PACRG: variants seen among roughly 807,000 people sequenced by gnomAD.
The protein encoded by PACRG is parkin coregulated.
In PACRG, 29 loss-of-function variants were observed where a neutral mutation model predicts 29.7. That is an observed-to-expected ratio of 0.98 (90% CI 0.73 to 1.33). PACRG has a LOEUF of 1.33. PACRG is among the 40% of genes most tolerant of loss of function. The pLI, the probability that PACRG is intolerant of heterozygous loss-of-function variation, is 0.00. For missense variants in PACRG, 279 were observed against 316.2 expected, an observed-to-expected ratio of 0.88 and a Z score of 0.89; for synonymous variants, 116 against 118.7, an observed-to-expected ratio of 0.98 and a Z score of 0.15.
At chr6:163,085,337 A>AT (rs1172899581) in intron 3 of PACRG, among the ~76,000 whole-genome samples, 1 of 152,140 alleles carries the variant, frequency 6.6e-6, no homozygotes, top group East Asian at 1.9e-4. Context: ...AAGGAGTGGG[A>AT]TGGGAAGGAG....
intron 4 of PACRG, among the ~76,000 whole-genome samples, chr6:163,236,256 C>T (rs1352201897): frequency 6.6e-6 from 1 of 152,086 alleles, no homozygotes. Context: ...AGGTAGGTTT[C>T]CTAAACAACC....
rs182244213 is a variant in PACRG, at chr6:163,047,803, C to T, written c.292-14347C>T. Among the ~76,000 whole-genome samples the T allele has an allele frequency of 8.5e-5, 13 of 152,176 alleles. No individual in the cohort carries two copies. In the East Asian group the frequency reaches 2.5e-3, roughly 29 times the overall value. ...ATCACCCATCTAAGTTTTAGTCTAC[C>T]CAACCATAAGCAAAATCAATATATG... On this transcript the variant is annotated intron_variant, in intron 2 of 4. Transcript: ENST00000366888.
chr6:162,976,580 A>G (rs73607888), intron 2 of PACRG, among the ~76,000 whole-genome samples: 10,777 of 152,246 alleles, frequency 0.071, 1,021 homozygotes, highest in African/African-American at 0.21. Flanking sequence ...GTATAGATGT[A>G]GAGATGGAAC....
rs1333555882 is a variant in PACRG, at chr6:163,203,986, A to T, written c.614-110841A>T. ...ATCCTGTAAGGTGAAAATAGACTGC[A>T]CATGCAAATAGTCGGAACTAATTGC... On this transcript the variant is annotated intron_variant, in intron 4 of 4. Transcript: ENST00000366888. Among the ~76,000 whole-genome samples, 4 of 152,370 alleles carry T rather than the reference A, an allele frequency of 2.6e-5. No homozygotes were observed. The East Asian group carries it at 7.7e-4, about 29-fold the overall frequency.
chr6:163,292,635 G>T (rs1195951408), intron 4 of PACRG, among the ~76,000 whole-genome samples: 3 of 147,910 alleles, frequency 2.0e-5, no homozygotes, highest in Non-Finnish European at 4.5e-5. Flanking sequence ...ATGTTAACAG[G>T]CTGGTCTCAA....
intron 1 of PACRG, among the ~76,000 whole-genome samples, chr6:162,766,972 G>A (rs960906700): frequency 1.3e-5 from 2 of 151,564 alleles, no homozygotes; most frequent in African/African-American, 2.4e-5. Flanking sequence ...TCTTTGGCCC[G>A]TGTGTTATTT....
At chr6:162,919,543 T>C (rs1250966334) in intron 2 of PACRG, among the ~76,000 whole-genome samples, 2 of 152,144 alleles carry the variant, frequency 1.3e-5, no homozygotes, top group Non-Finnish European at 1.5e-5. Context: ...GTACAATTAT[T>C]AGAGGCAAGT....
intron 2 of PACRG, among the ~76,000 whole-genome samples, chr6:162,993,021 G>T (rs1453403753): frequency 1.4e-5 from 2 of 146,928 alleles, no homozygotes; most frequent in Admixed American, 1.4e-4. Flanking sequence ...TCAGGAGCAG[G>T]TTGTTCAGTT....
chr6:162,760,534 C>G (rs1290229273), intron 1 of PACRG, among the ~76,000 whole-genome samples: 8 of 152,050 alleles, frequency 5.3e-5, no homozygotes, highest in Admixed American at 2.0e-4. Context: ...ACTTGTGAGC[C>G]AAACTAGGCG....
chr6:163,085,128 G>A (rs1308673317), intron 3 of PACRG, among the ~76,000 whole-genome samples: 4 of 152,018 alleles, frequency 2.6e-5, no homozygotes, highest in African/African-American at 4.8e-5. Context: ...ACTTCATAGT[G>A]TCAACAGAAC....
intron 2 of PACRG, chr6:162,997,477 C>T (rs774955007): frequency 1.2e-4 from 52 of 448,720 alleles, no homozygotes; most frequent in African/African-American, 4.2e-4. Context: ...TACTGACAGA[C>T]GGCAGCGAAT....
intron 1 of PACRG, among the ~76,000 whole-genome samples, chr6:162,787,090 G>C (rs1324243321): frequency 6.6e-6 from 1 of 152,100 alleles, no homozygotes. Flanking sequence ...CTCAGCTTTT[G>C]CATGATAGCA....
At chr6:163,027,688 G>A (rs897459376) in intron 2 of PACRG, among the ~76,000 whole-genome samples, 3 of 152,154 alleles carry the variant, frequency 2.0e-5, no homozygotes, top group Non-Finnish European at 4.4e-5. Flanking sequence ...ATCACGTCAG[G>A]TTCGGCAGAG....
chr6:162,968,058 A>G (rs999970324), intron 2 of PACRG, among the ~76,000 whole-genome samples: 2 of 152,202 alleles, frequency 1.3e-5, no homozygotes, highest in African/African-American at 4.8e-5. Flanking sequence ...ATAGTGAGTT[A>G]CACACTACCT....
intron 4 of PACRG, among the ~76,000 whole-genome samples, chr6:163,226,239 C>T (rs917656194): frequency 6.6e-6 from 1 of 152,150 alleles, no homozygotes; most frequent in African/African-American, 2.4e-5. Context: ...GGTTAAAAGG[C>T]ACAAAGTTTT....
At chr6:162,766,310 A>G (rs949056329) in intron 1 of PACRG, among the ~76,000 whole-genome samples, 3 of 152,044 alleles carry the variant, frequency 2.0e-5, no homozygotes, top group Non-Finnish European at 4.4e-5. Flanking sequence ...TGCATATGGT[A>G]TTTGTTTCTC....
intron 4 of PACRG, among the ~76,000 whole-genome samples, chr6:163,224,462 G>A (rs1012761880): frequency 1.1e-4 from 17 of 148,582 alleles, no homozygotes; most frequent in Middle Eastern, 3.6e-3. Context: ...AATCAAAACA[G>A]CATGGTGCTG....
At chr6:163,199,639 C>A (rs1483160710) in intron 4 of PACRG, among the ~76,000 whole-genome samples, 1 of 152,178 alleles carries the variant, frequency 6.6e-6, no homozygotes, top group Non-Finnish European at 1.5e-5. Context: ...GCACCTAATA[C>A]TTCCCTGGAG....
At chr6:162,851,717 T>C (rs1046153381) in intron 2 of PACRG, among the ~76,000 whole-genome samples, 1 of 152,110 alleles carries the variant, frequency 6.6e-6, no homozygotes, top group Non-Finnish European at 1.5e-5. Flanking sequence ...TTTCCTAATG[T>C]AACTTTTTAT....
Sources: allele counts gnomAD v4.1 joint callset (sites outside exome capture counted in the v4.1 genomes callset), GRCh38; gene constraint gnomAD v4.1.1; transcripts MANE v1.5; gene names NCBI Gene and HGNC (gene_info 2026-07-23, HGNC 2026-07-21).